Variants in PCDH9 observed in about 807,000 individuals in gnomAD.
PCDH9 encodes protocadherin 9.
Under a neutral mutation model 70.6 loss-of-function variants are expected in PCDH9, and 24 were observed. That is an observed-to-expected ratio of 0.34 (90% confidence interval 0.25 to 0.48). The LOEUF is 0.48. Among genes scored for constraint, PCDH9 ranks in the 20% least tolerant of loss-of-function variants. The pLI is 0.99. For missense variants in PCDH9, 1,281 were observed against 1,503.6 expected (o/e 0.85, Z 2.45); for synonymous variants, 562 against 558.5 (o/e 1.01, Z -0.09).
intron 2 of PCDH9, among the ~76,000 whole-genome samples, chr13:67,186,284 A>C (rs1038050249): frequency 2.0e-5 from 3 of 152,212 alleles, no homozygotes; most frequent in Admixed American, 2.0e-4. Context: ...GAGTGATTCT[A>C]AAGTTGAAAA....
At chr13:67,114,051 G>T (rs1729377821) in intron 2 of PCDH9, among the ~76,000 whole-genome samples, 1 of 152,112 alleles carries the variant, frequency 6.6e-6, no homozygotes, top group Non-Finnish European at 1.5e-5. Flanking sequence ...TTATAACTCG[G>T]CAGAAAAATC....
intron 4 of PCDH9, among the ~76,000 whole-genome samples, chr13:66,438,217 G>C (rs1382826039): frequency 6.7e-6 from 1 of 150,256 alleles, no homozygotes; most frequent in East Asian, 2.0e-4. Context: ...CTGAGTGACA[G>C]AGCGAGACTC....
chr13:66,531,769 C>T (rs1015687913), intron 4 of PCDH9, among the ~76,000 whole-genome samples: 2 of 152,016 alleles, frequency 1.3e-5, no homozygotes, highest in African/African-American at 2.4e-5. Context: ...ATACATTGTA[C>T]TAATGCATTA....
At chr13:66,826,597 G>T (rs2080827821) in intron 3 of PCDH9, among the ~76,000 whole-genome samples, 1 of 152,160 alleles carries the variant, frequency 6.6e-6, no homozygotes, top group Non-Finnish European at 1.5e-5. Context: ...TCCAGGAAAT[G>T]ATTCAATGAA....
At chr13:66,528,635 C>G (rs899445156) in intron 4 of PCDH9, among the ~76,000 whole-genome samples, 6 of 152,058 alleles carry the variant, frequency 3.9e-5, no homozygotes, top group African/African-American at 7.2e-5. Context: ...TATCCATGAA[C>G]AAGGAAAATC....
chr13:66,972,402 T>C (rs896920824), intron 2 of PCDH9, among the ~76,000 whole-genome samples: 5 of 151,952 alleles, frequency 3.3e-5, no homozygotes, highest in African/African-American at 9.7e-5. Flanking sequence ...CTTAAAAGTA[T>C]ATTTTCTGCA....
chr13:66,450,694 C>A (rs1958187460), intron 4 of PCDH9, among the ~76,000 whole-genome samples: 1 of 152,098 alleles, frequency 6.6e-6, no homozygotes, highest in Non-Finnish European at 1.5e-5. Context: ...GCCAAAATTT[C>A]TATTAGCTTA....
At chr13:66,720,927 G>T (rs1436357437) in intron 3 of PCDH9, among the ~76,000 whole-genome samples, 1 of 152,074 alleles carries the variant, frequency 6.6e-6, no homozygotes, top group Non-Finnish European at 1.5e-5. Flanking sequence ...GCATAAGGTG[G>T]AATGAGATAA....
At chr13:66,830,804 G>A (rs971887722) in intron 3 of PCDH9, among the ~76,000 whole-genome samples, 3 of 152,068 alleles carry the variant, frequency 2.0e-5, no homozygotes, top group Non-Finnish European at 4.4e-5. Context: ...AAATTTCAGG[G>A]GGGTCTAGAA....
intron 2 of PCDH9, among the ~76,000 whole-genome samples, chr13:67,199,282 A>G (rs1218295797): frequency 2.0e-5 from 3 of 151,780 alleles, no homozygotes; most frequent in East Asian, 3.9e-4. Context: ...GTGATTAGAT[A>G]ATTAAATTGA....
intron 2 of PCDH9, among the ~76,000 whole-genome samples, chr13:66,957,347 A>G (rs1184718538): frequency 6.6e-6 from 1 of 151,958 alleles, no homozygotes; most frequent in African/African-American, 2.4e-5. Context: ...ACAGAGTACT[A>G]CCCCTCCAAG....
intron 3 of PCDH9, among the ~76,000 whole-genome samples, chr13:66,742,155 A>G (rs1368569167): frequency 1.8e-5 from 1 of 54,464 alleles, no homozygotes; most frequent in African/African-American, 6.9e-5. Context: ...ATATAGATCA[A>G]TGGAACAGAA....
At chr13:66,784,740 G>T (rs1309352212) in intron 3 of PCDH9, among the ~76,000 whole-genome samples, 3 of 152,030 alleles carry the variant, frequency 2.0e-5, no homozygotes, top group Admixed American at 6.6e-5. Context: ...TTTTATATTT[G>T]GTTGGGCATA....
At chr13:66,757,293 T>G (rs539088003) in intron 3 of PCDH9, among the ~76,000 whole-genome samples, 242 of 152,346 alleles carry the variant, frequency 1.6e-3, no homozygotes, top group Non-Finnish European at 2.7e-3. Context: ...TTCATTAACC[T>G]GGAATAGCTC....
chr13:67,045,827 CA>C (rs2139918634), intron 2 of PCDH9, among the ~76,000 whole-genome samples: 1 of 152,264 alleles, frequency 6.6e-6, no homozygotes, highest in East Asian at 1.9e-4. Flanking sequence ...AACTTTCCAT[CA>C]AACTTTGGTA....
At chr13:66,987,212 T>C (rs1415265825) in intron 2 of PCDH9, among the ~76,000 whole-genome samples, 1 of 152,064 alleles carries the variant, frequency 6.6e-6, no homozygotes, top group Non-Finnish European at 1.5e-5. Flanking sequence ...CTTTGTAATA[T>C]GTATATTTTG....
chr13:66,988,449 G>A (rs1351179326), intron 2 of PCDH9, among the ~76,000 whole-genome samples: 3 of 151,924 alleles, frequency 2.0e-5, no homozygotes, highest in African/African-American at 7.2e-5. Flanking sequence ...AAAATAGCAT[G>A]TTTGTGAATT....
intron 2 of PCDH9, among the ~76,000 whole-genome samples, chr13:66,945,793 G>A (rs2083078687): frequency 2.6e-5 from 4 of 152,112 alleles, no homozygotes; most frequent in Admixed American, 2.0e-4. Context: ...ACTGTTGACA[G>A]TACAGATACC....
In PCDH9 at chr13:66,493,510, G is replaced by T. The variant is rs188359282; in HGVS notation, c.3340+137700C>A. On this transcript the variant is annotated intron_variant, in intron 4 of 4. Coordinates refer to ENST00000377865, the MANE Select transcript of PCDH9 (RefSeq NM_203487.3). ...TTCACTTATATCTCATGCAACCACGGTAATTTAATTGGCTACCATAAAAAT... is the reference window on the plus strand; with the variant it reads ...TTCACTTATATCTCATGCAACCACGTTAATTTAATTGGCTACCATAAAAAT... 5.3e-5 allele frequency among the ~76,000 whole-genome samples: 8 copies of T among 152,040 alleles called. No individual in the cohort carries two copies. In the East Asian group the frequency reaches 1.5e-3, roughly 29 times the overall value.
Sources: gnomAD v4.1 joint callset for allele counts (sites outside exome capture counted in the v4.1 genomes callset) on GRCh38, gnomAD v4.1.1 for gene constraint, MANE v1.5 for transcripts, NCBI Gene and HGNC (gene_info 2026-07-23, HGNC 2026-07-21) for gene names.